Variants in TLN2 observed in about 807,000 individuals in gnomAD.
TLN2 encodes the protein talin-2.
TLN2 carries 118 observed loss-of-function variants against 294.7 expected under a neutral mutation model. The ratio of observed to expected loss-of-function variants is 0.40; its 90% confidence interval spans 0.34 to 0.47. The LOEUF is 0.47. Ranked by LOEUF, TLN2 falls within the 20% of genes least tolerant of loss-of-function variation. The pLI is 0.84. For missense variants in TLN2, 3,083 were observed against 3,282.2 expected, an observed-to-expected ratio of 0.94 and a Z score of 1.48; for synonymous variants, 1,431 against 1,304.5, an observed-to-expected ratio of 1.10 and a Z score of -2.09.
chr15:62,766,817 A>C (rs1474101115), intron 41 of TLN2, among the ~76,000 whole-genome samples: 2 of 152,250 alleles, frequency 1.3e-5, no homozygotes, highest in African/African-American at 2.4e-5. Context: ...TTAAGGGTAC[A>C]TTATTCTTTT....
intron 44 of TLN2, 66 bp downstream of exon 44, chr15:62,781,307 C>T: frequency 4.0e-6 from 5 of 1,236,752 alleles, no homozygotes; most frequent in Non-Finnish European, 3.5e-6. Flanking sequence ...GCCGCTGAGC[C>T]TGCAAATCCC....
At chr15:62,596,682 G>A (rs2046547174) in intron 2 of TLN2, among the ~76,000 whole-genome samples, 1 of 151,556 alleles carries the variant, frequency 6.6e-6, no homozygotes, top group African/African-American at 2.4e-5. Context: ...AGGTTGCAGT[G>A]AGCTGAGATC....
At chr15:62,501,719 CAT>C (rs1567035670) in intron 1 of TLN2, among the ~76,000 whole-genome samples, 1 of 152,198 alleles carries the variant, frequency 6.6e-6, no homozygotes, top group Non-Finnish European at 1.5e-5. Context: ...TTTAATTGGA[CAT>C]AGTTATATCA....
chr15:62,405,357 G>C (rs1204444808), intron 1 of TLN2, among the ~76,000 whole-genome samples: 1 of 152,196 alleles, frequency 6.6e-6, no homozygotes, highest in African/African-American at 2.4e-5. Context: ...ACCCTGCAGG[G>C]CAGATGCCTG....
intron 32 of TLN2, among the ~76,000 whole-genome samples, chr15:62,741,620 T>TA (rs2061323457): frequency 6.6e-6 from 1 of 152,200 alleles, no homozygotes; most frequent in Non-Finnish European, 1.5e-5. Flanking sequence ...GGAGAGAGAT[T>TA]AAAAGCAGGA....
intron 1 of TLN2, among the ~76,000 whole-genome samples, chr15:62,518,764 A>C (rs1180530233): frequency 1.3e-5 from 2 of 151,662 alleles, no homozygotes; most frequent in Non-Finnish European, 2.9e-5. Context: ...CACCCGGCTA[A>C]TTTTTGTATT....
At chr15:62,666,120 G>A (rs2054606761) in intron 9 of TLN2, among the ~76,000 whole-genome samples, 1 of 152,122 alleles carries the variant, frequency 6.6e-6, no homozygotes, top group African/African-American at 2.4e-5. Flanking sequence ...TGAGTTCCTG[G>A]GCAGTGGCGT....
At chr15:62,598,274 G>A (rs1355661347) in intron 2 of TLN2, among the ~76,000 whole-genome samples, 7 of 152,188 alleles carry the variant, frequency 4.6e-5, no homozygotes, top group South Asian at 4.1e-4. Context: ...GGCTGAGAGC[G>A]TGGTGGTCGG....
At chr15:62,723,937 C>T (rs1170644897) in intron 26 of TLN2, among the ~76,000 whole-genome samples, 1 of 151,800 alleles carries the variant, frequency 6.6e-6, no homozygotes, top group African/African-American at 2.4e-5. Flanking sequence ...TTGCTTGAGT[C>T]CAGGAGTTCA....
At chr15:62,796,727 C>T (rs1255912515) in intron 47 of TLN2, among the ~76,000 whole-genome samples, 1 of 152,200 alleles carries the variant, frequency 6.6e-6, no homozygotes, top group East Asian at 1.9e-4. Context: ...ACCCCTGAAA[C>T]CTCACCACAT....
In TLN2 at chr15:62,564,921, A is replaced by ATAT. The variant is rs1160315259; in HGVS notation, c.-237-24766_-237-24765insTAT. Among the ~76,000 whole-genome samples, 459 of 113,084 alleles carry ATAT rather than the reference A, an allele frequency of 4.1e-3. 1 individual carries two copies. The highest frequency in any genetic ancestry group is 0.012 in the African/African-American group (350 of 29,888). 74.2% of individuals were successfully genotyped at this position (113,084 alleles called of 152,430 possible). ...ACTCCATCTCAAAAAAAAAAAAAAA[A>ATAT]AAAAATATATATATATATATACTGC... is the stretch of plus-strand genomic sequence containing the variant. On this transcript the variant is annotated intron_variant, in intron 1 of 58. Coordinates refer to ENST00000636159, the MANE Select transcript of TLN2 (RefSeq NM_015059.3).
chr15:62,533,600 G>A (rs1247548852), intron 1 of TLN2, among the ~76,000 whole-genome samples: 2 of 152,186 alleles, frequency 1.3e-5, no homozygotes, highest in East Asian at 3.8e-4. Context: ...TGTTCTGAGA[G>A]TAATTGTATT....
chr15:62,647,732 A>G lies in TLN2; in HGVS notation c.136+286A>G, dbSNP rs1366404478. Reference sequence around the variant, plus strand: ...AGATCACATTCTCATGTATCATCTCATTGTCCCAAGAAAGTGCAAATGAAG... The same window carrying G: ...AGATCACATTCTCATGTATCATCTCGTTGTCCCAAGAAAGTGCAAATGAAG... On this transcript the variant is annotated intron_variant, in intron 4 of 58. Coordinates refer to ENST00000636159, the MANE Select transcript of TLN2 (RefSeq NM_015059.3). Among the ~76,000 whole-genome samples the G allele has an allele frequency of 3.9e-5, 6 of 152,170 alleles. No individual in the cohort carries two copies. In the East Asian group the frequency reaches 1.2e-3, roughly 29 times the overall value.
Position 62,825,855 on chromosome 15 carries a change from T to A in TLN2, c.7002+5245T>A, listed in dbSNP as rs1229596742. On this transcript the variant is annotated intron_variant, in intron 54 of 58. Transcript: ENST00000636159. Reference sequence around the variant, plus strand: ...ATATATAATATATATAAATATATTATATATATATATATTTATATATATATA... The same window carrying A: ...ATATATAATATATATAAATATATTAAATATATATATATTTATATATATATA... 4.2e-5 allele frequency among the ~76,000 whole-genome samples: 4 copies of A among 94,272 alleles called. No individual in the cohort carries two copies. In the South Asian group the frequency reaches 1.0e-3, roughly 24 times the overall value. The allele number at this position is 94,272 out of a possible 152,430, so 61.8% of individuals were successfully genotyped here.
chr15:62,762,465 A>G lies in TLN2; in HGVS notation c.4961+12A>G, dbSNP rs1237915934. ...ATCACTTCTATCAGGTCAGTTTCCC[A>G]TCCGGAGGTTGCTGCCAGCCTGCAT... is the stretch of plus-strand genomic sequence containing the variant. On this transcript the variant is annotated intron_variant, in intron 39 of 58. Coordinates refer to ENST00000636159, the MANE Select transcript of TLN2 (RefSeq NM_015059.3). 3.7e-6 allele frequency: 6 copies of G among 1,611,142 alleles called. No homozygotes were observed. Among genetic ancestry groups the G allele is most frequent in the Non-Finnish European group, 5.1e-6 (6 of 1,177,934 alleles).
chr15:62,658,762 C>T (rs948381374), intron 9 of TLN2, among the ~76,000 whole-genome samples: 1 of 152,148 alleles, frequency 6.6e-6, no homozygotes, highest in Admixed American at 6.5e-5. Flanking sequence ...CCTTCTCTTC[C>T]GCCACCTATC....
intron 3 of TLN2, 78 bp from the exon 4 acceptor site, chr15:62,647,197 C>G (rs971982676): frequency 1.2e-4 from 164 of 1,331,582 alleles, no homozygotes; most frequent in Non-Finnish European, 1.6e-4. Context: ...TTTTAAAGTC[C>G]AGCACTTTTT....
chr15:62,455,362 A>G (rs1435215187), intron 1 of TLN2, among the ~76,000 whole-genome samples: 1 of 152,076 alleles, frequency 6.6e-6, no homozygotes, highest in Non-Finnish European at 1.5e-5. Context: ...TCAAAAAGCC[A>G]GTGGGAGAGG....
At chr15:62,638,626 T>C (rs2140907219) in intron 3 of TLN2, 1 of 456,032 alleles carries the variant, frequency 2.2e-6, no homozygotes, top group Admixed American at 2.3e-5. Context: ...CACCTGAAAA[T>C]GGAAAATAGT....
Sources: allele counts gnomAD v4.1 joint callset (sites outside exome capture counted in the v4.1 genomes callset), GRCh38; gene constraint gnomAD v4.1.1; transcripts MANE v1.5; gene names NCBI Gene and HGNC (gene_info 2026-07-23, HGNC 2026-07-21).